The following PSEN1 variants were observed in gnomAD, a reference collection of about 807,000 sequenced individuals.
PSEN1 encodes the protein presenilin-1.
A neutral mutation model predicts 53.5 loss-of-function variants in PSEN1; 15 were observed. The ratio of observed to expected loss-of-function variants is 0.28; its 90% confidence interval spans 0.19 to 0.43. The LOEUF is 0.43. Ranked by LOEUF, PSEN1 falls within the 20% of genes least tolerant of loss-of-function variation. The pLI is 1.00. For missense variants in PSEN1, 387 were observed against 571.2 expected, an observed-to-expected ratio of 0.68 and a Z score of 3.29; for synonymous variants, 208 against 209.8, an observed-to-expected ratio of 0.99 and a Z score of 0.08.
chr14:73,196,932 C>CTTT (rs557577799), intron 7 of PSEN1, among the ~76,000 whole-genome samples: 43 of 128,856 alleles, frequency 3.3e-4, no homozygotes, highest in South Asian at 5.1e-4. Context: ...TTCTTTCTTT[C>CTTT]TTTTTTTTTT....
At chr14:73,170,684 C>A in intron 3 of PSEN1, 113 bp from the exon 4 acceptor site, 1 of 1,146,956 alleles carries the variant, frequency 8.7e-7, no homozygotes, top group Non-Finnish European at 1.3e-6. Flanking sequence ...TTTTTTCTTG[C>A]TTCAGGTTTT....
At chr14:73,164,872 A>G (rs1414931543) in intron 3 of PSEN1, among the ~76,000 whole-genome samples, 1 of 152,154 alleles carries the variant, frequency 6.6e-6, no homozygotes, top group Non-Finnish European at 1.5e-5. Flanking sequence ...TCATATATAT[A>G]TATGTTCATT....
At chr14:73,198,261 G>C (rs1316771468) in intron 8 of PSEN1, 132 bp downstream of exon 8, 10 of 664,746 alleles carry the variant, frequency 1.5e-5, no homozygotes, top group Non-Finnish European at 2.4e-5. Flanking sequence ...AACTCCTGCA[G>C]ATCTCTTTGT....
chr14:73,214,810 G>C (rs1465641660), intron 10 of PSEN1, among the ~76,000 whole-genome samples: 4 of 152,156 alleles, frequency 2.6e-5, no homozygotes, highest in Non-Finnish European at 4.4e-5. Flanking sequence ...TTTAATGGGT[G>C]TAGAGTTTCA....
At position 73,209,432 on chromosome 14, in the gene PSEN1, A is replaced by G. The variant is rs141974188; in HGVS notation, c.956-2337A>G. 2.0e-5 allele frequency among the ~76,000 whole-genome samples: 3 copies of G among 152,352 alleles called. No homozygotes were observed. The East Asian group carries it at 5.8e-4, about 29-fold the overall frequency. On this transcript the variant is annotated intron_variant, in intron 9 of 11. Transcript: ENST00000324501. Reference sequence around the variant, plus strand: ...ACCTGTGTTAAGCTAAAGAAAATCAAATGATTGTCTGTGAGCATGTAGGTA... The same window carrying G: ...ACCTGTGTTAAGCTAAAGAAAATCAGATGATTGTCTGTGAGCATGTAGGTA...
At chr14:73,162,054 C>G (rs1032966978) in intron 3 of PSEN1, among the ~76,000 whole-genome samples, 1 of 149,816 alleles carries the variant, frequency 6.7e-6, no homozygotes, top group African/African-American at 2.5e-5. Context: ...TGATAAGTGC[C>G]TGTAATCCCA....
intron 5 of PSEN1, among the ~76,000 whole-genome samples, chr14:73,175,930 C>T (rs148612389): frequency 6.6e-6 from 1 of 152,308 alleles, no homozygotes; most frequent in African/African-American, 2.4e-5. Flanking sequence ...GAGTATCTGT[C>T]GTACCCCACC....
At chr14:73,213,983 A>C (rs1566654918) in intron 10 of PSEN1, among the ~76,000 whole-genome samples, 1 of 152,234 alleles carries the variant, frequency 6.6e-6, no homozygotes, top group Non-Finnish European at 1.5e-5. Context: ...TCCTAGGTAT[A>C]TACTCAAGAG....
chr14:73,182,552 A>G (rs948028476), intron 5 of PSEN1, among the ~76,000 whole-genome samples: 1 of 152,084 alleles, frequency 6.6e-6, no homozygotes, highest in African/African-American at 2.4e-5. Flanking sequence ...AGTTAAAAAA[A>G]TTAAAATTAG....
Position 73,147,786 on chromosome 14 carries a change from C to A in PSEN1, c.-135-9C>A. 1 of 538,104 alleles carries A rather than the reference C, an allele frequency of 1.9e-6. No individual in the cohort carries two copies. Among genetic ancestry groups the A allele is most frequent in the Admixed American group, 3.1e-5 (1 of 32,070 alleles). 33.3% of individuals were successfully genotyped at this position (538,104 alleles called of 1,614,324 possible). A position where few individuals can be genotyped will look rare whatever the true frequency, so the allele number is the denominator to read the frequency against. Reference sequence around the variant, plus strand: ...TAACAATGGATGACCTGGTGAAATCCTATTTCAGACCTAATCTGGGAGCCT... The same window carrying A: ...TAACAATGGATGACCTGGTGAAATCATATTTCAGACCTAATCTGGGAGCCT... On this transcript the variant is annotated splice_polypyrimidine_tract_variant and intron_variant, in intron 1 of 11. Transcript: ENST00000324501.
At chr14:73,154,684 A>T (rs191222414) in intron 3 of PSEN1, among the ~76,000 whole-genome samples, 47 of 152,324 alleles carry the variant, frequency 3.1e-4, no homozygotes, top group Non-Finnish European at 5.6e-4. Flanking sequence ...TATATGACAG[A>T]TATATCCCAA....
rs151170492 is a variant in PSEN1, at chr14:73,186,909, C to T, written c.537C>T (p.Phe179=). The T allele has an allele frequency of 1.9e-6, 3 of 1,612,770 alleles. No individual in the cohort carries two copies. The highest frequency in any genetic ancestry group is 2.7e-5 in the African/African-American group (2 of 74,868). ...SSLLLLFFFS[F]IYLGEVFKTY... ...TATTGTTGCTGTTCTTTTTTTCATT[C>T]ATTTACTTGGGGTAAGTTGTGAAAT... Residue 179 remains phenylalanine, a synonymous_variant, in exon 6 of 12, where the codon TTC becomes TTT. Coordinates refer to ENST00000324501, the MANE Select transcript of PSEN1 (RefSeq NM_000021.4).
intron 3 of PSEN1, among the ~76,000 whole-genome samples, chr14:73,161,797 C>T (rs976865215): frequency 6.6e-6 from 1 of 152,106 alleles, no homozygotes; most frequent in Non-Finnish European, 1.5e-5. Context: ...AAGGCCCTCA[C>T]CGTAGATCAC....
chr14:73,195,602 T>C (rs1898907188), intron 7 of PSEN1, among the ~76,000 whole-genome samples: 1 of 152,308 alleles, frequency 6.6e-6, no homozygotes, highest in East Asian at 1.9e-4. Context: ...AATTTTTTTC[T>C]GTTTTAAGAA....
intron 4 of PSEN1, among the ~76,000 whole-genome samples, chr14:73,171,621 AC>A (rs1203104718): frequency 6.6e-6 from 1 of 152,174 alleles, no homozygotes; most frequent in African/African-American, 2.4e-5. Context: ...TCCCCTACTG[AC>A]TAGGGTTAGA....
At chr14:73,162,138 C>G (rs1897564364) in intron 3 of PSEN1, among the ~76,000 whole-genome samples, 1 of 149,426 alleles carries the variant, frequency 6.7e-6, no homozygotes, top group Non-Finnish European at 1.5e-5. Context: ...AAGATTGCGC[C>G]ACTGCACTCC....
At chr14:73,204,391 A>T (rs1208127189) in intron 8 of PSEN1, among the ~76,000 whole-genome samples, 1 of 152,000 alleles carries the variant, frequency 6.6e-6, no homozygotes, top group East Asian at 1.9e-4. Context: ...ATTTTTAAAA[A>T]AATATTATTT....
At chr14:73,186,095 A>G (rs1216671210) in intron 5 of PSEN1, among the ~76,000 whole-genome samples, 1 of 152,066 alleles carries the variant, frequency 6.6e-6, no homozygotes, top group African/African-American at 2.4e-5. Flanking sequence ...AGAATATTCA[A>G]ATGTTGGCTA....
chr14:73,193,485 G>C (rs1898807094), intron 7 of PSEN1, among the ~76,000 whole-genome samples: 1 of 148,862 alleles, frequency 6.7e-6, no homozygotes, highest in Non-Finnish European at 1.5e-5. Context: ...GTGAAGTGGA[G>C]GTTGCAGTGA....
Sources: allele counts gnomAD v4.1 joint callset (sites outside exome capture counted in the v4.1 genomes callset), GRCh38; gene constraint gnomAD v4.1.1; transcripts MANE v1.5; gene names NCBI Gene and HGNC (gene_info 2026-07-23, HGNC 2026-07-21).